Variants in NDUFAF6 observed in about 807,000 individuals in gnomAD.
NDUFAF6 encodes the protein NADH dehydrogenase (ubiquinone) complex I, assembly factor 6.
In NDUFAF6, 45 loss-of-function variants were observed where a neutral mutation model predicts 40.8. The observed-to-expected ratio is 1.10, with a 90% confidence interval of 0.87 to 1.42. NDUFAF6 has a LOEUF of 1.42. Ranked by LOEUF, NDUFAF6 falls within the 40% of genes most tolerant of loss-of-function variation. The probability of loss-of-function intolerance (pLI) is 0.00; values close to 1 mark genes in which losing one functional copy is unlikely to be tolerated. For missense variants in NDUFAF6, 435 were observed against 418.5 expected, an observed-to-expected ratio of 1.04 and a Z score of -0.34; for synonymous variants, 185 against 155.9, an observed-to-expected ratio of 1.19 and a Z score of -1.39.
intron 3 of NDUFAF6, among the ~76,000 whole-genome samples, chr8:95,040,129 T>A (rs997801842): frequency 3.3e-4 from 51 of 152,240 alleles, no homozygotes; most frequent in African/African-American, 1.2e-3. Context: ...TCCGTAGCTT[T>A]TTTTAGCCCT....
At chr8:95,070,878 T>C (rs1046341339) in intron 9 of NDUFAF6, among the ~76,000 whole-genome samples, 2 of 152,212 alleles carry the variant, frequency 1.3e-5, no homozygotes, top group Admixed American at 6.5e-5. Context: ...ATGATTTTTT[T>C]CCTATTCCCC....
chr8:94,904,529 C>CT, intron 1 of NDUFAF6, among the ~76,000 whole-genome samples: 2 of 151,802 alleles, frequency 1.3e-5, no homozygotes, highest in East Asian at 3.9e-4. Context: ...TTCAGAGACT[C>CT]TAACTTTATG....
chr8:95,109,335 A>G (rs1281467831), intron 4 of NDUFAF6, among the ~76,000 whole-genome samples: 1 of 152,228 alleles, frequency 6.6e-6, no homozygotes, highest in Admixed American at 6.5e-5. Context: ...AAAACATTTG[A>G]TGGATTTGTG....
chr8:95,045,606 A>G lies in NDUFAF6; in HGVS notation c.539A>G (p.Asn180Ser), dbSNP rs769195630. 1.2e-6 allele frequency: 2 copies of G among 1,613,554 alleles called. No individual in the cohort carries two copies. The highest frequency in any genetic ancestry group is 1.7e-6 in the Non-Finnish European group (2 of 1,179,684). ...NIKELENYAENTQSSLLYLTL... is the reference protein window; with the variant it reads ...NIKELENYAESTQSSLLYLTL... The stretch of plus-strand genomic sequence containing the variant: ...AAGGAACTGGAAAATTATGCTGAAA[A>G]CACACAGAGCTCTCTTCTTTACTTA... The change falls in exon 5 of 9, where the codon AAC becomes AGC. Residue 180 changes from asparagine (N) to serine (S), a missense_variant. Physicochemically the swap from Asn to Ser is conservative, Grantham distance 46 (BLOSUM62 1). Transcript: ENST00000396124.
intron 2 of NDUFAF6, among the ~76,000 whole-genome samples, chr8:95,087,263 G>A (rs1166324213): frequency 6.6e-6 from 1 of 152,110 alleles, no homozygotes; most frequent in Non-Finnish European, 1.5e-5. Flanking sequence ...TCCTGCAGTG[G>A]TTTTCCCTCC....
chr8:95,034,823 C>T (rs150200642), intron 2 of NDUFAF6: 2 of 152,414 alleles, frequency 1.3e-5, no homozygotes, highest in African/African-American at 4.8e-5. Context: ...TGTTCCTCAT[C>T]AAAATTTACC....
intron 2 of NDUFAF6, among the ~76,000 whole-genome samples, chr8:95,094,427 T>A (rs1327200741): frequency 6.9e-6 from 1 of 145,178 alleles, no homozygotes; most frequent in African/African-American, 2.5e-5. Context: ...ATTTTTTTTT[T>A]TTTGAGACAG....
At chr8:95,091,813 T>A (rs1809260908) in intron 2 of NDUFAF6, among the ~76,000 whole-genome samples, 1 of 147,040 alleles carries the variant, frequency 6.8e-6, no homozygotes, top group African/African-American at 2.5e-5. Context: ...GCTAATTTTT[T>A]TTTTTTTGTA....
At chr8:94,930,359 T>C (rs1297062220) in intron 1 of NDUFAF6, 14 of 1,398,972 alleles carry the variant, frequency 1.0e-5, no homozygotes, top group African/African-American at 1.4e-5. Context: ...AATACACTGA[T>C]AAAACTATGT....
At chr8:95,109,303 A>G (rs1184112004) in intron 4 of NDUFAF6, among the ~76,000 whole-genome samples, 1 of 152,248 alleles carries the variant, frequency 6.6e-6, no homozygotes, top group Admixed American at 6.5e-5. Context: ...TTCACAAAAC[A>G]AAATAAACGA....
At chr8:94,906,080 C>T (rs1356901454) in intron 1 of NDUFAF6, among the ~76,000 whole-genome samples, 5 of 152,184 alleles carry the variant, frequency 3.3e-5, no homozygotes, top group South Asian at 2.1e-4. Flanking sequence ...CACACGTGCA[C>T]GTGAACACCT....
rs191111112 is a variant in NDUFAF6 at position 94,915,082 on chromosome 8, G to A, written c.-936+19155G>A. 3.5e-3 allele frequency among the ~76,000 whole-genome samples: 526 copies of A among 151,394 alleles called. 1 individual carries two copies. Among genetic ancestry groups the A allele is most frequent in the Non-Finnish European group, 4.9e-3 (330 of 67,908 alleles). On this transcript the variant is annotated intron_variant, in intron 1 of 14. Transcript: ENST00000396113. ...ACTTTTCCCCTATTCCCCCCTCCCC[G>A]CTTTTGGAGTCCCCAGTGTCTGTTG...
Position 95,052,228 on chromosome 8 carries a change from A to G in NDUFAF6, c.871A>G (p.Thr291Ala), listed in dbSNP as rs1463748523. The change falls in exon 8 of 9, where the codon ACG becomes GCG. Residue 291 changes from threonine to alanine, a missense_variant and splice_region_variant. Coordinates refer to ENST00000396124, the MANE Select transcript of NDUFAF6 (RefSeq NM_152416.4). ...PVKAFPAFLQ[T>A]VSLEDFLKKI... ...GAAAGCATTTCCTGCTTTTCTTCAG[A>G]CGGTAAGTAGATTAACAGAGAAGGC... The G allele has an allele frequency of 2.5e-6, 4 of 1,613,790 alleles. No homozygotes were observed. In the Admixed American group the frequency reaches 5.0e-5, roughly 20 times the overall value.
At chr8:94,914,472 C>T (rs1818994473) in intron 1 of NDUFAF6, among the ~76,000 whole-genome samples, 1 of 152,166 alleles carries the variant, frequency 6.6e-6, no homozygotes, top group Non-Finnish European at 1.5e-5. Flanking sequence ...CCAGCCACCG[C>T]CAGTTTTATC....
chr8:95,069,082 C>T (rs1244217652), intron 9 of NDUFAF6: 1 of 151,878 alleles, frequency 6.6e-6, no homozygotes, highest in East Asian at 1.9e-4. Flanking sequence ...CCTCCTTTCT[C>T]TTCATTGTGC....
At chr8:95,105,064 C>CAGAGAG (rs1809785771), downstream of NDUFAF6, among the ~76,000 whole-genome samples, 1 of 105,746 alleles carries the variant, frequency 9.5e-6, no homozygotes, top group Non-Finnish European at 1.9e-5. Flanking sequence ...CACACACACA[C>CAGAGAG]ACAGAGAGAG....
At chr8:94,973,374 C>T (rs1180413735) in intron 1 of NDUFAF6, among the ~76,000 whole-genome samples, 1 of 152,116 alleles carries the variant, frequency 6.6e-6, no homozygotes, top group Non-Finnish European at 1.5e-5. Flanking sequence ...GCCTTCTCCC[C>T]CATGAGGACA....
chr8:95,023,923 G>A (rs1034751604), upstream of NDUFAF6, among the ~76,000 whole-genome samples: 6 of 151,762 alleles, frequency 4.0e-5, no homozygotes, highest in African/African-American at 9.7e-5. Context: ...CCCGGGAGGC[G>A]GAGGTTGCAG....
chr8:94,987,538 A>G (rs1017619392), intron 2 of NDUFAF6, among the ~76,000 whole-genome samples: 1 of 152,218 alleles, frequency 6.6e-6, no homozygotes, highest in Non-Finnish European at 1.5e-5. Flanking sequence ...AGGAGCTAAC[A>G]TGTGGGAATC....
Sources: gnomAD v4.1 joint callset for allele counts (sites outside exome capture counted in the v4.1 genomes callset) on GRCh38, gnomAD v4.1.1 for gene constraint, MANE v1.5 for transcripts, NCBI Gene and HGNC (gene_info 2026-07-23, HGNC 2026-07-21) for gene names.